Variants in BRINP1 observed in about 807,000 individuals in gnomAD.
BRINP1 encodes the protein BMP/retinoic acid-inducible neural-specific protein 1.
BRINP1 carries 17 observed loss-of-function variants against 72.9 expected under a neutral mutation model. The observed-to-expected ratio is 0.23, with a 90% CI of 0.16 to 0.35. The LOEUF (loss-of-function observed/expected upper bound fraction) is 0.35, where lower values mean the gene tolerates loss of function less well. Ranked by LOEUF, BRINP1 falls within the 10% of genes least tolerant of loss-of-function variation. The pLI, the probability that BRINP1 is intolerant of heterozygous loss-of-function variation, is 1.00. For missense variants in BRINP1, 850 were observed against 1,001.6 expected (o/e 0.85, Z 2.04); for synonymous variants, 418 against 378.5 (o/e 1.10, Z -1.21).
chr9:119,296,838 G>A (rs956975663), intron 2 of BRINP1, among the ~76,000 whole-genome samples: 6 of 152,212 alleles, frequency 3.9e-5, no homozygotes, highest in Non-Finnish European at 7.3e-5. Context: ...AGAGTAGAAT[G>A]ATGGTTGCCA....
intron 2 of BRINP1, among the ~76,000 whole-genome samples, chr9:119,274,895 TAG>T (rs1830640856): frequency 6.6e-6 from 1 of 152,132 alleles, no homozygotes; most frequent in Non-Finnish European, 1.5e-5. Flanking sequence ...ATATATACAA[TAG>T]AGATATCCAA....
chr9:119,267,711 T>A (rs1830562009), intron 2 of BRINP1, among the ~76,000 whole-genome samples: 1 of 150,658 alleles, frequency 6.6e-6, no homozygotes, highest in South Asian at 2.1e-4. Flanking sequence ...AGGTCTGGAG[T>A]TTAGAGGATT....
intron 1 of BRINP1, among the ~76,000 whole-genome samples, chr9:119,343,000 T>C (rs1831419478): frequency 6.6e-6 from 1 of 152,220 alleles, no homozygotes; most frequent in African/African-American, 2.4e-5. Context: ...ATGAGTATAA[T>C]ACATTGGGCG....
At chr9:119,186,320 CCAGGAGAGAAGCCACACCCAAGT>C (rs550381117) in intron 7 of BRINP1, among the ~76,000 whole-genome samples, 111 of 152,266 alleles carry the variant, frequency 7.3e-4, no homozygotes, top group Non-Finnish European at 1.4e-3. Flanking sequence ...GTACTCTGGC[CCAGGAGAGAAGCCACACCCAAGT>C]CAGGAGAGAA....
intron 5 of BRINP1, among the ~76,000 whole-genome samples, chr9:119,235,864 A>C (rs1284656986): frequency 6.6e-6 from 1 of 152,196 alleles, no homozygotes; most frequent in Non-Finnish European, 1.5e-5. Context: ...CTGATGCTTA[A>C]ATAATCTCTA....
intron 2 of BRINP1, among the ~76,000 whole-genome samples, chr9:119,283,570 G>A (rs974946928): frequency 1.3e-5 from 2 of 152,102 alleles, no homozygotes; most frequent in Admixed American, 6.6e-5. Context: ...GCTCTGTTGC[G>A]TAGGCTGGAG....
At chr9:119,353,115 T>C (rs921049092) in intron 1 of BRINP1, among the ~76,000 whole-genome samples, 11 of 152,244 alleles carry the variant, frequency 7.2e-5, no homozygotes, top group African/African-American at 2.4e-4. Context: ...GAACATCTAT[T>C]GATAGAATTT....
At chr9:119,317,560 G>A (rs536566751) in intron 1 of BRINP1, among the ~76,000 whole-genome samples, 24 of 152,294 alleles carry the variant, frequency 1.6e-4, no homozygotes, top group East Asian at 7.7e-4. Flanking sequence ...AGAATACTAC[G>A]TAAACTTAGT....
At chr9:119,267,326 C>T (rs1830557492) in intron 2 of BRINP1, among the ~76,000 whole-genome samples, 1 of 152,110 alleles carries the variant, frequency 6.6e-6, no homozygotes, top group Admixed American at 6.5e-5. Flanking sequence ...CAGACTTTGA[C>T]ATGATACATT....
intron 1 of BRINP1, among the ~76,000 whole-genome samples, chr9:119,325,749 C>A: frequency 6.6e-6 from 1 of 152,358 alleles, no homozygotes; most frequent in East Asian, 1.9e-4. Flanking sequence ...CTCACCTAAT[C>A]TAGCAGATCC....
chr9:119,357,600 GAAAGC>G (rs1317035008), intron 1 of BRINP1, among the ~76,000 whole-genome samples: 1 of 152,222 alleles, frequency 6.6e-6, no homozygotes, highest in Non-Finnish European at 1.5e-5. Context: ...TTGGCAGCCA[GAAAGC>G]ACTAGAAGAG....
chr9:119,358,434 C>T (rs895799194), intron 1 of BRINP1, among the ~76,000 whole-genome samples: 1 of 149,868 alleles, frequency 6.7e-6, no homozygotes, highest in African/African-American at 2.5e-5. Flanking sequence ...TGGCTCATGC[C>T]TGTAATCCCA....
chr9:119,369,192 C>G lies in BRINP1; in HGVS notation c.-187G>C. The G allele has an allele frequency of 2.5e-6, 1 of 398,788 alleles. No homozygotes were observed. The highest frequency in any genetic ancestry group is 4.4e-6 in the Non-Finnish European group (1 of 226,192). 24.7% of individuals were successfully genotyped at this position (398,788 alleles called of 1,614,324 possible). On this transcript the variant is annotated 5_prime_UTR_variant, in exon 1 of 8. Coordinates refer to ENST00000265922, the MANE Select transcript of BRINP1 (RefSeq NM_014618.3). ...GGACTGCAGGCGTGGGGGTACCTGG[C>G]TCCTAGCAGCCTGGCTCATACTCAG...
chr9:119,336,678 C>A (rs910462214), intron 1 of BRINP1, among the ~76,000 whole-genome samples: 33 of 152,096 alleles, frequency 2.2e-4, no homozygotes, highest in African/African-American at 7.5e-4. Flanking sequence ...CGCTGCCAGC[C>A]TGGCTCTTCC....
chr9:119,354,108 A>G (rs569059592), intron 1 of BRINP1, among the ~76,000 whole-genome samples: 1 of 152,080 alleles, frequency 6.6e-6, no homozygotes, highest in East Asian at 1.9e-4. Flanking sequence ...TATCATCATC[A>G]TATCTGAAAT....
chr9:119,333,618 G>A (rs1831321966), intron 1 of BRINP1, among the ~76,000 whole-genome samples: 1 of 152,154 alleles, frequency 6.6e-6, no homozygotes, highest in Non-Finnish European at 1.5e-5. Context: ...TGCATTTGTG[G>A]GGATGAATGG....
At chr9:119,237,490 G>A (rs1228287595) in intron 5 of BRINP1, among the ~76,000 whole-genome samples, 2 of 151,576 alleles carry the variant, frequency 1.3e-5, no homozygotes, top group Admixed American at 6.6e-5. Context: ...AGCTTCCCGA[G>A]TAGCTGGGAC....
At chr9:119,251,148 A>C (rs774397066) in intron 2 of BRINP1, among the ~76,000 whole-genome samples, 1 of 152,206 alleles carries the variant, frequency 6.6e-6, no homozygotes, top group Non-Finnish European at 1.5e-5. Context: ...TTTGAAGTCC[A>C]CTGAGTACCT....
At chr9:119,263,530 C>G (rs893871319) in intron 2 of BRINP1, among the ~76,000 whole-genome samples, 1 of 149,462 alleles carries the variant, frequency 6.7e-6, no homozygotes, top group Admixed American at 6.7e-5. Flanking sequence ...CTCCATTGGA[C>G]AGGGACTGTA....
Sources: allele counts gnomAD v4.1 joint callset (sites outside exome capture counted in the v4.1 genomes callset), GRCh38; gene constraint gnomAD v4.1.1; transcripts MANE v1.5; gene names NCBI Gene and HGNC (gene_info 2026-07-23, HGNC 2026-07-21).